The following RNF212 variants were observed in gnomAD, a reference collection of about 807,000 sequenced individuals.
RNF212 encodes the protein ring finger protein 212.
Under a neutral mutation model 34.7 loss-of-function variants are expected in RNF212, and 33 were observed. That is an observed-to-expected ratio of 0.95 (90% CI 0.72 to 1.27). RNF212 has a LOEUF of 1.27. Ranked by LOEUF, RNF212 falls within the 50% of genes most tolerant of loss-of-function variation. The pLI is 0.00. For synonymous variants in RNF212, 140 were observed against 136.1 expected (o/e 1.03, Z -0.20); for missense variants, 377 against 362.2 (o/e 1.04, Z -0.33).
chr4:1,066,092 T>C (rs986449089), intron 3 of RNF212, among the ~76,000 whole-genome samples: 2 of 151,298 alleles, frequency 1.3e-5, no homozygotes, highest in African/African-American at 4.9e-5. Context: ...TCTTGCTGTT[T>C]TTTTTTTTTC....
At chr4:1,092,194 T>A (rs1209015072) in intron 3 of RNF212, among the ~76,000 whole-genome samples, 3 of 152,186 alleles carry the variant, frequency 2.0e-5, no homozygotes, top group Non-Finnish European at 1.5e-5. Flanking sequence ...ACGCGCCTCA[T>A]CCCGGCTGTG....
intron 3 of RNF212, among the ~76,000 whole-genome samples, chr4:1,095,008 T>G (rs1351854172): frequency 6.6e-6 from 1 of 152,182 alleles, no homozygotes; most frequent in Non-Finnish European, 1.5e-5. Flanking sequence ...TATTTGCTGA[T>G]CAAATATCTT....
Position 1,071,521 on chromosome 4 carries a change from C to A in RNF212, c.*1353G>T, listed in dbSNP as rs1718492556. On this transcript the variant is annotated 3_prime_UTR_variant, in exon 10 of 10. Coordinates refer to ENST00000433731, the MANE Select transcript of RNF212 (RefSeq NM_001131034.4). Reference sequence around the variant, plus strand: ...ATTTATCTGATAAGGAAATGTCATCCAAAAAAAAGACACACAAAAAAGAAA... The same window carrying A: ...ATTTATCTGATAAGGAAATGTCATCAAAAAAAAAGACACACAAAAAAGAAA... 1 of 151,142 alleles carries A rather than the reference C, an allele frequency of 6.6e-6. No individual in the cohort carries two copies. The highest frequency in any genetic ancestry group is 2.4e-5 in the African/African-American group (1 of 41,110). The allele number at this position is 151,142 out of a possible 1,614,324, so 9.4% of individuals were successfully genotyped here.
chr4:1,092,238 C>T lies in RNF212; in HGVS notation c.247-1400G>A, dbSNP rs143003795. On this transcript the variant is annotated intron_variant, in intron 3 of 9. Transcript: ENST00000433731. ...TGGTCTGGCTGTTCTTAGAGAAAGG[C>T]CTTGGGGAGACGAGGTCAGTCTGTG... Among the ~76,000 whole-genome samples the T allele has an allele frequency of 4.6e-5, 7 of 152,328 alleles. No homozygotes were observed. The East Asian group carries it at 1.4e-3, about 29-fold the overall frequency.
chr4:1,087,081 G>A (rs1450898677), intron 4 of RNF212, among the ~76,000 whole-genome samples: 1 of 7,458 alleles, frequency 1.3e-4, no homozygotes, highest in East Asian at 1.6e-3. Flanking sequence ...GGCAGGACAG[G>A]AGTGGGGGTG....
chr4:1,109,376 A>C (rs923578089), intron 1 of RNF212, among the ~76,000 whole-genome samples: 9 of 151,986 alleles, frequency 5.9e-5, no homozygotes, highest in African/African-American at 2.2e-4. Context: ...CTCAAGCTTG[A>C]TTTTCTCACT....
At chr4:1,079,428 C>T (rs1190652318) in intron 8 of RNF212, among the ~76,000 whole-genome samples, 1 of 152,264 alleles carries the variant, frequency 6.6e-6, no homozygotes, top group Non-Finnish European at 1.5e-5. Context: ...GATGCAACTG[C>T]AGTCCTGGCC....
At position 1,077,159 on chromosome 4, in the gene RNF212, C is replaced by T. The variant is rs187677053; in HGVS notation, c.510+2484G>A. The stretch of plus-strand genomic sequence containing the variant: ...AGGAGAATTCCTTGAACCCGGGAGG[C>T]GGAGGTTGCAGTGAGCCGAGATCTC... On this transcript the variant is annotated intron_variant, in intron 8 of 9. Transcript: ENST00000433731. 9.1e-4 allele frequency among the ~76,000 whole-genome samples: 139 copies of T among 152,212 alleles called. 2 individuals carry two copies. In the Middle Eastern group the frequency reaches 0.017, roughly 19 times the overall value.
intron 4 of RNF212, among the ~76,000 whole-genome samples, chr4:1,086,603 G>C (rs585735): frequency 0.77 from 9,624 of 12,420 alleles, 3,917 homozygotes; most frequent in African/African-American, 0.94. Context: ...GGTGGCAGGA[G>C]AGGGGTGGGG....
chr4:1,059,759 G>A (rs529825825), intron 3 of RNF212, among the ~76,000 whole-genome samples: 6 of 152,344 alleles, frequency 3.9e-5, no homozygotes, highest in Admixed American at 3.3e-4. Flanking sequence ...ACGATGGCAG[G>A]TATCTTTTGT....
At chr4:1,104,667 G>C (rs1724526455) in intron 2 of RNF212, among the ~76,000 whole-genome samples, 1 of 152,192 alleles carries the variant, frequency 6.6e-6, no homozygotes, top group South Asian at 2.1e-4. Context: ...TCCTCCCTTA[G>C]ACAGAAAGTC....
At chr4:1,094,305 A>C (rs1251260789) in intron 3 of RNF212, among the ~76,000 whole-genome samples, 1 of 152,064 alleles carries the variant, frequency 6.6e-6, no homozygotes, top group Non-Finnish European at 1.5e-5. Context: ...TTTCCCCCAG[A>C]CTGGTGGACT....
intron 4 of RNF212, chr4:1,058,280 G>GGGCACTACC: frequency 1.5e-6 from 1 of 657,870 alleles, no homozygotes; most frequent in Non-Finnish European, 1.9e-6. Context: ...GCTTGCGGGG[G>GGGCACTACC]TTAGAACGCA....
Position 1,078,989 on chromosome 4 carries a change from A to G in RNF212, c.510+654T>C, listed in dbSNP as rs111563147. On this transcript the variant is annotated intron_variant, in intron 8 of 9. Transcript: ENST00000433731. ...CATAGGACCAACACAGGGTCAACAC[A>G]GGACCAACATAGGACCAACACAGGG... Among the ~76,000 whole-genome samples, 92 of 145,784 alleles carry G rather than the reference A, an allele frequency of 6.3e-4. 2 individuals are homozygous for G. The highest frequency in any genetic ancestry group is 1.6e-3 in the African/African-American group (58 of 37,246).
At chr4:1,092,859 C>T (rs549354071) in intron 3 of RNF212, among the ~76,000 whole-genome samples, 4 of 152,344 alleles carry the variant, frequency 2.6e-5, no homozygotes, top group South Asian at 2.1e-4. Context: ...CGCGGACTCT[C>T]GCCAAGAGGC....
chr4:1,073,017 T>C lies in RNF212; in HGVS notation c.751A>G (p.Lys251Glu). Reference sequence around the variant, plus strand: ...ACCTCAGCATATATTGGAAGTGTTTTAGAGTTGGTGAGTTCCCCGTGCCTT... The same window carrying C: ...ACCTCAGCATATATTGGAAGTGTTTCAGAGTTGGTGAGTTCCCCGTGCCTT... ...SGRHGELTNS[K>E]TLPIYAEVQR... Residue 251 changes from lysine (K) to glutamate (E), a missense_variant, in exon 10 of 10, where the codon AAA becomes GAA. Physicochemically the swap from Lys to Glu is moderately conservative, Grantham distance 56. Coordinates refer to ENST00000433731, the MANE Select transcript of RNF212 (RefSeq NM_001131034.4). 6.2e-7 allele frequency: 1 copy of C among 1,614,164 alleles called. No individual in the cohort carries two copies. Among genetic ancestry groups the C allele is most frequent in the Non-Finnish European group, 8.5e-7 (1 of 1,180,024 alleles).
downstream of RNF212, among the ~76,000 whole-genome samples, chr4:1,070,558 A>C (rs4690211): frequency 3.0e-5 from 1 of 33,216 alleles, no homozygotes; most frequent in Admixed American, 3.1e-4. Context: ...CCTGAGTTAC[A>C]GGTGGTTTTG....
intron 8 of RNF212, among the ~76,000 whole-genome samples, chr4:1,079,356 A>C (rs1373102901): frequency 6.6e-6 from 1 of 152,256 alleles, no homozygotes; most frequent in Non-Finnish European, 1.5e-5. Context: ...CAACACAGGA[A>C]CAACACAGAA....
chr4:1,081,378 A>G (rs1328317233), intron 7 of RNF212, 41 bp downstream of exon 7: 1 of 1,581,264 alleles, frequency 6.3e-7, no homozygotes, highest in Admixed American at 1.7e-5. Flanking sequence ...AGAATCGGAA[A>G]GACCTGCAGG....
Sources: allele counts gnomAD v4.1 joint callset (sites outside exome capture counted in the v4.1 genomes callset), GRCh38; gene constraint gnomAD v4.1.1; transcripts MANE v1.5; gene names NCBI Gene and HGNC (gene_info 2026-07-23, HGNC 2026-07-21).